MACROD2: variants seen among roughly 807,000 people sequenced by gnomAD.
MACROD2 encodes ADP-ribose glycohydrolase MACROD2.
MACROD2 carries 36 observed loss-of-function variants against 70.4 expected under a neutral mutation model. The ratio of observed to expected loss-of-function variants is 0.51; its 90% CI spans 0.39 to 0.68. The LOEUF (loss-of-function observed/expected upper bound fraction) is 0.68. Ranked by LOEUF, MACROD2 falls within the 30% of genes least tolerant of loss-of-function variation. The pLI, the probability that MACROD2 is intolerant of heterozygous loss-of-function variation, is 0.00. For missense variants in MACROD2, 496 were observed against 538.4 expected (o/e 0.92, Z 0.78); for synonymous variants, 172 against 178.8 (o/e 0.96, Z 0.30).
intron 15 of MACROD2, among the ~76,000 whole-genome samples, chr20:16,013,177 TA>T (rs11475960): frequency 0.83 from 125,929 of 151,278 alleles, 52,370 homozygotes; most frequent in South Asian, 0.88. Flanking sequence ...AGACTCTGTC[TA>T]AAAAAAAAAG....
chr20:14,036,035 T>C (rs950603957), intron 2 of MACROD2, among the ~76,000 whole-genome samples: 1 of 151,618 alleles, frequency 6.6e-6, no homozygotes, highest in African/African-American at 2.4e-5. Flanking sequence ...CCAGCTAGTC[T>C]GGAGGCTGAG....
Position 15,626,732 on chromosome 20 carries a change from G to A in MACROD2, c.645+126885G>A, listed in dbSNP as rs567211951. On this transcript the variant is annotated intron_variant, in intron 8 of 17. Coordinates refer to ENST00000684519, the MANE Select transcript of MACROD2 (RefSeq NM_001351661.2). ...TAGCCAGGCATGGTGGTGCATGCCT[G>A]TAGTCCCAGCTACTCAGGAGGCTGA... Among the ~76,000 whole-genome samples the A allele has an allele frequency of 3.3e-5, 5 of 152,214 alleles. No individual in the cohort carries two copies. The South Asian group carries it at 1.0e-3, about 32-fold the overall frequency.
At chr20:14,009,920 A>T (rs2052878188) in intron 2 of MACROD2, among the ~76,000 whole-genome samples, 1 of 152,210 alleles carries the variant, frequency 6.6e-6, no homozygotes, top group African/African-American at 2.4e-5. Context: ...GAGCAGAATG[A>T]TGAGAACACA....
At chr20:15,509,310 A>G (rs2047468926) in intron 8 of MACROD2, among the ~76,000 whole-genome samples, 1 of 152,188 alleles carries the variant, frequency 6.6e-6, no homozygotes, top group Admixed American at 6.5e-5. Context: ...TCTTTCCTGC[A>G]ACCTGGAGGT....
chr20:14,629,696 T>C (rs1036638211), intron 4 of MACROD2, among the ~76,000 whole-genome samples: 3 of 152,232 alleles, frequency 2.0e-5, no homozygotes, highest in Non-Finnish European at 4.4e-5. Context: ...GTATAACATC[T>C]GCACAGATGC....
chr20:14,936,587 C>G (rs1465019687), intron 5 of MACROD2, among the ~76,000 whole-genome samples: 1 of 151,954 alleles, frequency 6.6e-6, no homozygotes, highest in Non-Finnish European at 1.5e-5. Flanking sequence ...AGGAGCTGAT[C>G]CAGGTTATAT....
chr20:14,159,688 C>CT (rs2055155685), intron 3 of MACROD2, among the ~76,000 whole-genome samples: 2 of 152,052 alleles, frequency 1.3e-5, no homozygotes, highest in Admixed American at 6.6e-5. Flanking sequence ...GTTTGACTTC[C>CT]TTTTTTCCAA....
chr20:14,810,268 T>C (rs936246925), intron 5 of MACROD2, among the ~76,000 whole-genome samples: 1 of 152,142 alleles, frequency 6.6e-6, no homozygotes, highest in Non-Finnish European at 1.5e-5. Flanking sequence ...ATCCCTGGGA[T>C]GCAAGGCTGG....
chr20:14,184,206 A>G (rs937005615), intron 3 of MACROD2, among the ~76,000 whole-genome samples: 1 of 152,038 alleles, frequency 6.6e-6, no homozygotes, highest in Non-Finnish European at 1.5e-5. Context: ...TTGAATTTGT[A>G]TGTGGTGTAA....
chr20:14,145,768 C>A (rs1348704951), intron 3 of MACROD2, among the ~76,000 whole-genome samples: 1 of 152,076 alleles, frequency 6.6e-6, no homozygotes, highest in Non-Finnish European at 1.5e-5. Context: ...ATTAGAAATC[C>A]TCATGGAGAG....
rs760947583 is a variant in MACROD2 at position 15,967,628 on chromosome 20, A to G, written c.983A>G (p.Asp328Gly). The G allele has an allele frequency of 6.5e-7, 1 of 1,534,644 alleles. No individual in the cohort carries two copies. The highest frequency in any genetic ancestry group is 8.8e-7 in the Non-Finnish European group (1 of 1,132,426). ...TCTGTGCGTGACCAAGATCATCCCG[A>G]TGGTAGGTTGTGAAATCCTTTATTA... ...DHSVRDQDHP[D>G]GQENDSTKNE... is the part of the protein sequence containing the mutation. Residue 328 changes from aspartate to glycine, a missense_variant and splice_region_variant, in exon 13 of 18, where the codon GAT becomes GGT. Coordinates refer to ENST00000684519, the MANE Select transcript of MACROD2 (RefSeq NM_001351661.2).
rs116737532 is a variant in MACROD2, at chr20:15,091,621, C to T, written c.419-138319C>T. On this transcript the variant is annotated intron_variant, in intron 5 of 17. Coordinates refer to ENST00000684519, the MANE Select transcript of MACROD2 (RefSeq NM_001351661.2). ...AATGGGAACCCACGTCACTAAGAGA[C>T]CCATTGCCTGGTTCTCTGTGGTTTC... Among the ~76,000 whole-genome samples, 516 of 151,990 alleles carry T rather than the reference C, an allele frequency of 3.4e-3. 11 individuals carry two copies. The highest frequency in any genetic ancestry group is 0.012 in the African/African-American group (496 of 41,442).
At chr20:15,499,449 A>G (rs972504210) in intron 7 of MACROD2, among the ~76,000 whole-genome samples, 2 of 152,138 alleles carry the variant, frequency 1.3e-5, no homozygotes, top group African/African-American at 4.8e-5. Flanking sequence ...AGCACTTCTT[A>G]CAAGAAAATA....
intron 8 of MACROD2, among the ~76,000 whole-genome samples, chr20:15,857,584 G>A (rs1276992533): frequency 2.6e-5 from 4 of 152,124 alleles, no homozygotes; most frequent in Admixed American, 2.6e-4. Context: ...ATGCATGATC[G>A]CCCAAGCCCT....
chr20:15,809,479 T>C (rs538398540), intron 8 of MACROD2, among the ~76,000 whole-genome samples: 1 of 152,324 alleles, frequency 6.6e-6, no homozygotes, highest in African/African-American at 2.4e-5. Flanking sequence ...CTGCTTCTAC[T>C]CACTGCAGAA....
chr20:15,448,555 G>C (rs1256724322), intron 7 of MACROD2, among the ~76,000 whole-genome samples: 2 of 152,066 alleles, frequency 1.3e-5, no homozygotes, highest in Non-Finnish European at 2.9e-5. Flanking sequence ...TTTGACAAAT[G>C]GTAGAGAGTC....
chr20:14,887,231 G>A (rs2073688741), intron 5 of MACROD2, among the ~76,000 whole-genome samples: 1 of 152,038 alleles, frequency 6.6e-6, no homozygotes, highest in Non-Finnish European at 1.5e-5. Flanking sequence ...GCTAGGGATG[G>A]AGATGTCCTG....
chr20:14,256,057 T>G (rs1436406943), intron 3 of MACROD2, among the ~76,000 whole-genome samples: 1 of 152,082 alleles, frequency 6.6e-6, no homozygotes. Context: ...TAAATTTAGT[T>G]GCTCACATCT....
chr20:14,452,237 C>T (rs2084253088), intron 3 of MACROD2, among the ~76,000 whole-genome samples: 1 of 151,984 alleles, frequency 6.6e-6, no homozygotes, highest in Admixed American at 6.6e-5. Flanking sequence ...TCTAATTGCA[C>T]ATGGCTAATA....
Sources: gnomAD v4.1 joint callset for allele counts (sites outside exome capture counted in the v4.1 genomes callset) on GRCh38, gnomAD v4.1.1 for gene constraint, MANE v1.5 for transcripts, NCBI Gene and HGNC (gene_info 2026-07-23, HGNC 2026-07-21) for gene names.